PARP1: variants seen among roughly 807,000 people sequenced by gnomAD.
The protein encoded by PARP1 is poly [ADP-ribose] polymerase 1.
A neutral mutation model predicts 118.7 loss-of-function variants in PARP1; 44 were observed. The observed-to-expected ratio is 0.37, with a 90% CI of 0.29 to 0.48. The LOEUF (loss-of-function observed/expected upper bound fraction) is 0.48, where lower values mean the gene tolerates loss of function less well. Ranked by LOEUF, PARP1 falls within the 20% of genes least tolerant of loss-of-function variation. The pLI, the probability that PARP1 is intolerant of heterozygous loss-of-function variation, is 0.99. For missense variants in PARP1, 1,100 were observed against 1,272.4 expected (o/e 0.86, Z 2.06); for synonymous variants, 492 against 483.2 (o/e 1.02, Z -0.24).
intron 14 of PARP1, among the ~76,000 whole-genome samples, chr1:226,373,372 G>C (rs1221227237): frequency 1.3e-5 from 2 of 152,224 alleles, no homozygotes; most frequent in Non-Finnish European, 2.9e-5. Flanking sequence ...GCAGCCTGAA[G>C]CTTCTGGGTT....
At chr1:226,374,565 G>C (rs1021624021) in intron 13 of PARP1, among the ~76,000 whole-genome samples, 1 of 152,204 alleles carries the variant, frequency 6.6e-6, no homozygotes, top group Non-Finnish European at 1.5e-5. Context: ...TGCCTGCCCT[G>C]AAGTTCTCTT....
At chr1:226,387,932 A>G (rs936670163) in intron 5 of PARP1, among the ~76,000 whole-genome samples, 1 of 152,254 alleles carries the variant, frequency 6.6e-6, no homozygotes, top group Non-Finnish European at 1.5e-5. Flanking sequence ...AACTAGAACC[A>G]TATCAGAAAC....
At chr1:226,395,872 T>C (rs773583948) in intron 2 of PARP1, among the ~76,000 whole-genome samples, 11 of 151,828 alleles carry the variant, frequency 7.2e-5, no homozygotes, top group Non-Finnish European at 1.5e-4. Flanking sequence ...GGTGCTAGAG[T>C]TGTCAACTTC....
In PARP1 at chr1:226,377,320, G is replaced by T. The variant is rs750176465; in HGVS notation, c.1746-17C>A. ...ATCCAATACCTGCAGTGGGAAGGAG[G>T]GTGTCAGATACACATGTGTGGGTCA... On this transcript the variant is annotated splice_polypyrimidine_tract_variant and intron_variant, in intron 12 of 22. Transcript: ENST00000366794. 1.9e-6 allele frequency: 3 copies of T among 1,603,826 alleles called. No individual in the cohort carries two copies. The highest frequency in any genetic ancestry group is 2.2e-5 in the South Asian group (2 of 90,838).
intron 14 of PARP1, among the ~76,000 whole-genome samples, 165 bp downstream of exon 14, chr1:226,374,061 G>A (rs1023075728): frequency 6.6e-5 from 10 of 152,076 alleles, no homozygotes; most frequent in African/African-American, 2.2e-4. Context: ...ACCACTCCAG[G>A]CCCCAACACT....
intron 8 of PARP1, among the ~76,000 whole-genome samples, chr1:226,381,933 T>C (rs1664617379): frequency 6.6e-6 from 1 of 152,166 alleles, no homozygotes; most frequent in Non-Finnish European, 1.5e-5. Flanking sequence ...AACAAAATTA[T>C]TGACTCATGC....
chr1:226,365,766 C>CAA (rs1327402131), intron 18 of PARP1, among the ~76,000 whole-genome samples, 188 bp downstream of exon 18: 5 of 61,754 alleles, frequency 8.1e-5, no homozygotes, highest in African/African-American at 3.7e-4. Context: ...GACTCCATGT[C>CAA]AAAAAAAAAA....
chr1:226,377,197 A>G lies in PARP1; in HGVS notation c.1852T>C (p.Tyr618His). The change falls in exon 13 of 23, where the codon TAT becomes CAT. Residue 618 changes from tyrosine to histidine, a missense_variant. Tyr to His is a moderately conservative substitution (Grantham distance 83, BLOSUM62 2). Transcript: ENST00000366794. ...EDAIEHFMKL[Y>H]EEKTGNAWHS... Reference sequence around the variant, plus strand: ...CAAGCGTTCCCGGTTTTTTCTTCATATAATTTCATGAAGTGCTCAATGGCA... The same window carrying G: ...CAAGCGTTCCCGGTTTTTTCTTCATGTAATTTCATGAAGTGCTCAATGGCA... The G allele has an allele frequency of 6.2e-7, 1 of 1,614,064 alleles. No individual in the cohort carries two copies. The highest frequency in any genetic ancestry group is 1.1e-5 in the South Asian group (1 of 91,082).
rs3219124 is a variant in PARP1 at position 226,367,333 on chromosome 1, G to A, written c.2406+147C>T. ...CAAAGGACCACCAGCAGCAATGTCC[G>A]GGAACTTGTTAGAAAAGTGAATTAT... On this transcript the variant is annotated intron_variant, in intron 17 of 22. Transcript: ENST00000366794. 2.8e-3 allele frequency: 2,726 copies of A among 960,104 alleles called. 47 individuals are homozygous for A. The African/African-American group carries it at 0.037, about 13-fold the overall frequency. 59.5% of individuals were successfully genotyped at this position (960,104 alleles called of 1,614,324 possible).
rs200785577 is a variant in PARP1 at position 226,407,977 on chromosome 1, A to G, written c.-48T>C. ...CTCCGGAAGCCCGACGCCACGACCT[A>G]GAAACACGCTGCCGCCTCGCCGCCT... On this transcript the variant is annotated 5_prime_UTR_variant, in exon 1 of 23. Transcript: ENST00000366794. The G allele has an allele frequency of 1.8e-4, 291 of 1,610,480 alleles. 7 individuals are homozygous for G. In the South Asian group the frequency reaches 2.6e-3, roughly 14 times the overall value.
chr1:226,388,890 C>T lies in PARP1; in HGVS notation c.618-135G>A. On this transcript the variant is annotated intron_variant, in intron 4 of 22. Coordinates refer to ENST00000366794, the MANE Select transcript of PARP1 (RefSeq NM_001618.4). ...CCTACTCACACTTGTCACTCCCTAA[C>T]CCCTGCCCCACTCAGTGCCCTTAGG... 4 of 758,368 alleles carry T rather than the reference C, an allele frequency of 5.3e-6. No homozygotes were observed. In the Admixed American group the frequency reaches 7.3e-5, roughly 14 times the overall value. The allele number at this position is 758,368 out of a possible 1,614,324, so 47.0% of individuals were successfully genotyped here.
chr1:226,380,595 T>C (rs1021457385), intron 9 of PARP1, among the ~76,000 whole-genome samples: 1 of 152,196 alleles, frequency 6.6e-6, no homozygotes, highest in African/African-American at 2.4e-5. Flanking sequence ...TATGCACATC[T>C]TACAGAGCAG....
At position 226,377,237 on chromosome 1, in the gene PARP1, C is replaced by A; in HGVS notation, c.1812G>T (p.Met604Ile). 6.2e-7 allele frequency: 1 copy of A among 1,614,112 alleles called. No individual in the cohort carries two copies. The highest frequency in any genetic ancestry group is 1.1e-5 in the South Asian group (1 of 91,076). ...GCTCAATGGCATCCTCCTTGGACGG[C>A]ATCTGTTCCAGTTTGTTGCTACCGA... Reference protein sequence around the residue: ...TVIGSNKLEQMPSKEDAIEHF... With the variant: ...TVIGSNKLEQIPSKEDAIEHF... Residue 604 changes from methionine to isoleucine, a missense_variant, in exon 13 of 23, where the codon ATG (methionine) becomes ATT (isoleucine). Met to Ile is a conservative substitution (Grantham distance 10, BLOSUM62 1). Coordinates refer to ENST00000366794, the MANE Select transcript of PARP1 (RefSeq NM_001618.4).
chr1:226,386,495 C>A, intron 5 of PARP1, 53 bp from the exon 6 acceptor site: 2 of 1,156,406 alleles, frequency 1.7e-6, no homozygotes, highest in Non-Finnish European at 1.3e-6. Context: ...AGGAAGAATC[C>A]AACTGGAGGA....
intron 5 of PARP1, among the ~76,000 whole-genome samples, chr1:226,388,427 G>A (rs1664754727): frequency 6.6e-6 from 1 of 152,210 alleles, no homozygotes; most frequent in African/African-American, 2.4e-5. Flanking sequence ...GCTCAAGCCT[G>A]GCTGCAGGTC....
intron 13 of PARP1, among the ~76,000 whole-genome samples, chr1:226,375,208 C>G (rs1438286229): frequency 6.6e-6 from 1 of 152,216 alleles, no homozygotes; most frequent in Non-Finnish European, 1.5e-5. Flanking sequence ...AGTAGACCTA[C>G]TCTCAGTGTT....
chr1:226,370,515 G>C lies in PARP1; in HGVS notation c.2073C>G (p.Ile691Met). 1.2e-6 allele frequency: 2 copies of C among 1,612,352 alleles called. No individual in the cohort carries two copies. Among genetic ancestry groups the C allele is most frequent in the Non-Finnish European group, 1.7e-6 (2 of 1,178,458 alleles). ...TCCCCAAGGGCATCTTCTGAAGGTC[G>C]ATCTGAGGAGACAGGGGATTTCGCT... ...SMKKAMVEYE[I>M]DLQKMPLGKL... Residue 691 changes from isoleucine (I) to methionine (M), a missense_variant and splice_region_variant, in exon 15 of 23, where the codon ATC becomes ATG. Coordinates refer to ENST00000366794, the MANE Select transcript of PARP1 (RefSeq NM_001618.4).
At chr1:226,364,793 C>T (rs1664224068) in intron 19 of PARP1, among the ~76,000 whole-genome samples, 1 of 152,224 alleles carries the variant, frequency 6.6e-6, no homozygotes, top group Non-Finnish European at 1.5e-5. Flanking sequence ...TGCAGCAGGC[C>T]CTGGCCTGGA....
intron 7 of PARP1, 152 bp from the exon 8 acceptor site, chr1:226,383,335 A>C (rs1396274670): frequency 1.5e-6 from 1 of 672,528 alleles, no homozygotes; most frequent in African/African-American, 1.8e-5. Flanking sequence ...GTGAGGCTTT[A>C]AGGATGAAAG....
Sources: gnomAD v4.1 joint callset for allele counts (sites outside exome capture counted in the v4.1 genomes callset) on GRCh38, gnomAD v4.1.1 for gene constraint, MANE v1.5 for transcripts, NCBI Gene and HGNC (gene_info 2026-07-23, HGNC 2026-07-21) for gene names.